The following SLC25A48 variants were observed in gnomAD, a reference collection of about 807,000 sequenced individuals.
The protein encoded by SLC25A48 is solute carrier family 25 member 48.
SLC25A48 carries 29 observed loss-of-function variants against 32.2 expected under a neutral mutation model. That is an observed-to-expected ratio of 0.90 (90% CI 0.67 to 1.23). SLC25A48 has a LOEUF of 1.23. Among genes scored for constraint, SLC25A48 ranks in the 50% most tolerant of loss-of-function variants. SLC25A48 has a pLI of 0.00. For synonymous variants in SLC25A48, 164 were observed against 172.3 expected, an observed-to-expected ratio of 0.95 and a Z score of 0.38; for missense variants, 399 against 422.7, an observed-to-expected ratio of 0.94 and a Z score of 0.49.
chr5:135,815,784 A>G (rs988322379), intron 4 of SLC25A48, among the ~76,000 whole-genome samples: 2 of 152,174 alleles, frequency 1.3e-5, no homozygotes, highest in East Asian at 1.9e-4. Context: ...TGTCACCTGC[A>G]TGTTCTTGCC....
intron 3 of SLC25A48, among the ~76,000 whole-genome samples, chr5:135,648,050 C>T (rs1300426762): frequency 6.6e-6 from 1 of 152,160 alleles, no homozygotes; most frequent in Non-Finnish European, 1.5e-5. Context: ...TGATGAGAGG[C>T]CTCAACGGGG....
intron 5 of SLC25A48, among the ~76,000 whole-genome samples, chr5:135,873,204 G>GCAGT (rs1262059657): frequency 1.3e-5 from 2 of 152,192 alleles, no homozygotes; most frequent in Non-Finnish European, 1.5e-5. Flanking sequence ...AGGGCCAAGG[G>GCAGT]CAGTCTAAGG....
intron 3 of SLC25A48, among the ~76,000 whole-genome samples, chr5:135,755,608 C>T (rs1402813360): frequency 6.0e-5 from 9 of 151,206 alleles, no homozygotes; most frequent in South Asian, 4.2e-4. Flanking sequence ...GTAGCGTCAA[C>T]GCACTATGGT....
chr5:135,797,191 C>T lies in SLC25A48; in HGVS notation c.-520-15332C>T, dbSNP rs971795607. On this transcript the variant is annotated intron_variant, in intron 3 of 10. Transcript: ENST00000646290. ...AAGAAGATGATAATACTCCCAATATCGCAGTGGGTGTACACCCCCATGTGA... is the reference window on the plus strand; with the variant it reads ...AAGAAGATGATAATACTCCCAATATTGCAGTGGGTGTACACCCCCATGTGA... Among the ~76,000 whole-genome samples the T allele has an allele frequency of 3.3e-5, 5 of 152,000 alleles. No individual in the cohort carries two copies. The East Asian group carries it at 7.8e-4, about 24-fold the overall frequency.
chr5:135,756,417 G>A (rs2127013273), intron 3 of SLC25A48, among the ~76,000 whole-genome samples: 1 of 152,088 alleles, frequency 6.6e-6, no homozygotes, highest in South Asian at 2.1e-4. Flanking sequence ...TTGTGTGGTG[G>A]CTCATGCCTG....
chr5:135,626,782 G>T (rs550545412), intron 1 of SLC25A48, among the ~76,000 whole-genome samples: 1 of 152,310 alleles, frequency 6.6e-6, no homozygotes, highest in South Asian at 2.1e-4. Context: ...GGGGTGGGGT[G>T]TGAGAGCTGG....
At chr5:135,788,454 C>T (rs1338026176) in intron 3 of SLC25A48, among the ~76,000 whole-genome samples, 1 of 143,128 alleles carries the variant, frequency 7.0e-6, no homozygotes. Flanking sequence ...GCCATATGGT[C>T]CATTATATTC....
At position 135,631,457 on chromosome 5, in the gene SLC25A48, T is replaced by C. The variant is rs73283210; in HGVS notation, c.-709+2081T>C. Reference sequence around the variant, plus strand: ...GCCTTTTATCTTCACAGGGCTCCCATCTGTTTGGCAGCTCAAGAATTGCTC... The same window carrying C: ...GCCTTTTATCTTCACAGGGCTCCCACCTGTTTGGCAGCTCAAGAATTGCTC... On this transcript the variant is annotated intron_variant, in intron 2 of 10. Transcript: ENST00000646290. Among the ~76,000 whole-genome samples the C allele has an allele frequency of 2.2e-3, 340 of 152,310 alleles. 2 individuals carry two copies. Among genetic ancestry groups the C allele is most frequent in the African/African-American group, 7.8e-3 (326 of 41,586 alleles).
intron 3 of SLC25A48, among the ~76,000 whole-genome samples, chr5:135,704,967 G>A (rs1430081410): frequency 1.3e-5 from 2 of 152,214 alleles, no homozygotes; most frequent in African/African-American, 2.4e-5. Context: ...GACTGCTGAG[G>A]ATAGCCTGTG....
At chr5:135,875,169 C>G (rs956526877) in intron 6 of SLC25A48, 2 of 153,592 alleles carry the variant, frequency 1.3e-5, no homozygotes, top group Admixed American at 1.3e-4. Flanking sequence ...CATGGCTGCC[C>G]CACCCCAGGC....
chr5:135,604,808 G>C (rs1451800811), intron 1 of SLC25A48, among the ~76,000 whole-genome samples: 1 of 151,698 alleles, frequency 6.6e-6, no homozygotes, highest in Non-Finnish European at 1.5e-5. Context: ...GCAGCCCAGT[G>C]TGGTGGTCAA....
chr5:135,843,632 G>A (rs374159354), intron 2 of SLC25A48, among the ~76,000 whole-genome samples: 2 of 152,158 alleles, frequency 1.3e-5, no homozygotes, highest in African/African-American at 4.8e-5. Context: ...CTGCCAGGGA[G>A]GCAGCTAAGT....
chr5:135,797,160 G>A (rs373178886), intron 3 of SLC25A48, among the ~76,000 whole-genome samples: 2 of 151,900 alleles, frequency 1.3e-5, no homozygotes, highest in East Asian at 1.9e-4. Flanking sequence ...CTAATATCCA[G>A]GGGTGAAGAA....
intron 3 of SLC25A48, among the ~76,000 whole-genome samples, chr5:135,745,120 G>A (rs1039521210): frequency 1.3e-5 from 2 of 152,214 alleles, no homozygotes; most frequent in Non-Finnish European, 2.9e-5. Context: ...GTGGGAATCA[G>A]GGGGCTGACA....
chr5:135,742,536 A>G, intron 3 of SLC25A48: 1 of 1,476,660 alleles, frequency 6.8e-7, no homozygotes, highest in South Asian at 1.2e-5. Context: ...TTCCCAAACA[A>G]TACCAAGATT....
chr5:135,640,978 C>T (rs1347134024), intron 3 of SLC25A48, among the ~76,000 whole-genome samples: 2 of 152,014 alleles, frequency 1.3e-5, no homozygotes, highest in African/African-American at 4.8e-5. Context: ...TTCAACATTT[C>T]GTTGGAAGTC....
At chr5:135,633,200 G>C (rs938749467) in intron 2 of SLC25A48, among the ~76,000 whole-genome samples, 2 of 152,128 alleles carry the variant, frequency 1.3e-5, no homozygotes, top group Non-Finnish European at 2.9e-5. Flanking sequence ...TTTATTCACA[G>C]ACACAATGCC....
chr5:135,876,035 C>T (rs1762003079), intron 6 of SLC25A48: 1 of 151,250 alleles, frequency 6.6e-6, no homozygotes, highest in Non-Finnish European at 1.5e-5. Flanking sequence ...ATTTTAAATT[C>T]CTTTTTTAAA....
chr5:135,837,221 A>G (rs778211289), intron 1 of SLC25A48, among the ~76,000 whole-genome samples: 1 of 151,992 alleles, frequency 6.6e-6, no homozygotes, highest in Non-Finnish European at 1.5e-5. Flanking sequence ...ACCTCCCCCC[A>G]CTACTGGGAA....
Sources: gnomAD v4.1 joint callset for allele counts (sites outside exome capture counted in the v4.1 genomes callset) on GRCh38, gnomAD v4.1.1 for gene constraint, MANE v1.5 for transcripts, NCBI Gene and HGNC (gene_info 2026-07-23, HGNC 2026-07-21) for gene names.